FNIP1: variants seen among roughly 807,000 people sequenced by gnomAD.
The protein encoded by FNIP1 is folliculin interacting protein 1, also known as folliculin-interacting protein 1.
Under a neutral mutation model 124.5 loss-of-function variants are expected in FNIP1, and 40 were observed. The ratio of observed to expected loss-of-function variants is 0.32; its 90% CI spans 0.25 to 0.42. The LOEUF (loss-of-function observed/expected upper bound fraction) is 0.42, where lower values mean the gene tolerates loss of function less well. Ranked by LOEUF, FNIP1 falls within the 10% of genes least tolerant of loss-of-function variation. FNIP1 has a pLI of 1.00. For missense variants in FNIP1, 1,176 were observed against 1,403.7 expected (o/e 0.84, Z 2.59); for synonymous variants, 472 against 470.6 (o/e 1.00, Z -0.04).
chr5:131,702,352 T>C (rs933782148), intron 10 of FNIP1, among the ~76,000 whole-genome samples: 1 of 149,938 alleles, frequency 6.7e-6, no homozygotes, highest in African/African-American at 2.4e-5. Flanking sequence ...AATTTTTAAA[T>C]TTTTTTTTGT....
intron 1 of FNIP1, among the ~76,000 whole-genome samples, chr5:131,777,515 C>G (rs977696781): frequency 1.3e-5 from 2 of 152,000 alleles, no homozygotes; most frequent in South Asian, 2.1e-4. Flanking sequence ...AGGGTCCCAA[C>G]CAGCCAAAGA....
chr5:131,779,083 A>C (rs1771909010), intron 1 of FNIP1, among the ~76,000 whole-genome samples: 1 of 145,354 alleles, frequency 6.9e-6, no homozygotes, highest in African/African-American at 2.6e-5. Flanking sequence ...CCAGCATGGC[A>C]CATGTATACA....
At chr5:131,692,511 T>C (rs1768516423) in intron 11 of FNIP1, among the ~76,000 whole-genome samples, 1 of 152,160 alleles carries the variant, frequency 6.6e-6, no homozygotes, top group African/African-American at 2.4e-5. Flanking sequence ...ACAATCCCAA[T>C]GAGAATCTCA....
chr5:131,691,404 C>T (rs1007488516), intron 11 of FNIP1, among the ~76,000 whole-genome samples: 5 of 152,070 alleles, frequency 3.3e-5, no homozygotes, highest in South Asian at 4.1e-4. Context: ...CTAAAATCAA[C>T]GATCTAAGCT....
chr5:131,718,755 T>C (rs1230628732), intron 5 of FNIP1, among the ~76,000 whole-genome samples: 1 of 152,178 alleles, frequency 6.6e-6, no homozygotes. Context: ...CGGAAATCCA[T>C]TCAACATTCT....
chr5:131,768,362 T>C (rs1281188604), intron 1 of FNIP1, among the ~76,000 whole-genome samples: 1 of 152,134 alleles, frequency 6.6e-6, no homozygotes, highest in Non-Finnish European at 1.5e-5. Context: ...ATTAACTCTA[T>C]ATACCTGTGA....
intron 1 of FNIP1, among the ~76,000 whole-genome samples, chr5:131,747,900 A>G (rs542755461): frequency 6.6e-6 from 1 of 152,250 alleles, no homozygotes; most frequent in South Asian, 2.1e-4. Flanking sequence ...CCTCTGAGGA[A>G]GTAGAGAACA....
chr5:131,661,071 C>A (rs2149509774), intron 15 of FNIP1, among the ~76,000 whole-genome samples: 1 of 152,288 alleles, frequency 6.6e-6, no homozygotes, highest in East Asian at 1.9e-4. Flanking sequence ...AATTGGCTCT[C>A]CCTAATCAGT....
intron 1 of FNIP1, among the ~76,000 whole-genome samples, chr5:131,786,706 G>T (rs180846451): frequency 8.5e-5 from 13 of 152,288 alleles, no homozygotes; most frequent in African/African-American, 2.6e-4. Flanking sequence ...TCATTATCTC[G>T]AGAGTGGGTT....
rs757970564 is a variant in FNIP1, at chr5:131,679,078, G to T, written c.1300C>A (p.Arg434Ser). ...GTPEKNHLCY[R>S]FMKEFTFLME... ...AGAAAGGTGAACTCCTTCATGAAAC[G>T]ATAGCAAAGGTGGTTCTTTTCTGGA... Residue 434 changes from arginine (R) to serine (S), a missense_variant, in exon 12 of 18, where the codon CGT (arginine) becomes AGT (serine). Arg to Ser is a moderately radical substitution (Grantham distance 110). Transcript: ENST00000510461. The T allele has an allele frequency of 1.5e-5, 24 of 1,612,388 alleles. No individual in the cohort carries two copies. The highest frequency in any genetic ancestry group is 2.0e-5 in the Non-Finnish European group (24 of 1,179,276).
chr5:131,778,912 C>T (rs1394126635), intron 1 of FNIP1, among the ~76,000 whole-genome samples: 1 of 117,782 alleles, frequency 8.5e-6, no homozygotes, highest in East Asian at 2.3e-4. Flanking sequence ...AACCAAACAC[C>T]GCATATTCTC....
intron 15 of FNIP1, among the ~76,000 whole-genome samples, chr5:131,665,768 T>G (rs1767583259): frequency 6.6e-6 from 1 of 151,766 alleles, no homozygotes; most frequent in Non-Finnish European, 1.5e-5. Context: ...TTTTTGTATT[T>G]TTAGCAGAGA....
intron 15 of FNIP1, among the ~76,000 whole-genome samples, chr5:131,653,904 G>C (rs1175909968): frequency 6.6e-6 from 1 of 152,066 alleles, no homozygotes; most frequent in East Asian, 1.9e-4. Flanking sequence ...ACCACGCCCG[G>C]CTAATTTTTG....
chr5:131,758,045 GT>G (rs1236272597), intron 1 of FNIP1, among the ~76,000 whole-genome samples: 2 of 152,112 alleles, frequency 1.3e-5, no homozygotes, highest in African/African-American at 4.8e-5. Context: ...ATAGAAAGAA[GT>G]TGTGACATGG....
intron 15 of FNIP1, among the ~76,000 whole-genome samples, chr5:131,669,193 G>C (rs1303392372): frequency 6.6e-6 from 1 of 152,124 alleles, no homozygotes; most frequent in African/African-American, 2.4e-5. Context: ...AAAAGGTGAA[G>C]AAATTAAATT....
chr5:131,725,407 G>A (rs1425620654), intron 3 of FNIP1, among the ~76,000 whole-genome samples: 3 of 152,090 alleles, frequency 2.0e-5, no homozygotes, highest in African/African-American at 7.2e-5. Flanking sequence ...CCTTGAAGAG[G>A]TCCTTCACAT....
chr5:131,779,031 G>A (rs1771907142), intron 1 of FNIP1, among the ~76,000 whole-genome samples: 1 of 131,820 alleles, frequency 7.6e-6, no homozygotes, highest in South Asian at 2.7e-4. Flanking sequence ...AGCATTGGGA[G>A]ATATACCTAA....
At chr5:131,731,179 G>T in intron 2 of FNIP1, 141 bp from the exon 3 acceptor site, 1 of 710,432 alleles carries the variant, frequency 1.4e-6, no homozygotes, top group Non-Finnish European at 2.2e-6. Flanking sequence ...GCATTTTGCT[G>T]TATTTTCTCC....
chr5:131,770,458 C>T (rs17616702), intron 1 of FNIP1, among the ~76,000 whole-genome samples: 20,294 of 152,100 alleles, frequency 0.13, 1,553 homozygotes, highest in Middle Eastern at 0.2. Context: ...CCAAGGGGTG[C>T]ATCTGTGTAT....
Sources: gnomAD v4.1 joint callset for allele counts (sites outside exome capture counted in the v4.1 genomes callset) on GRCh38, gnomAD v4.1.1 for gene constraint, MANE v1.5 for transcripts, NCBI Gene and HGNC (gene_info 2026-07-23, HGNC 2026-07-21) for gene names.